The following CMYA5 variants were observed in gnomAD, a reference collection of about 807,000 sequenced individuals.
CMYA5 encodes the protein cardiomyopathy associated 5.
Under a neutral mutation model 318.9 loss-of-function variants are expected in CMYA5, and 246 were observed. The observed-to-expected ratio is 0.77, with a 90% CI of 0.70 to 0.86. The LOEUF is 0.86. CMYA5 is among the 40% of genes least tolerant of loss of function. The pLI is 0.00. For missense variants in CMYA5, 4,589 were observed against 4,678.2 expected (o/e 0.98, Z 0.56); for synonymous variants, 1,641 against 1,729.5 (o/e 0.95, Z 1.27).
chr5:79,738,844 A>G lies in CMYA5; in HGVS notation c.10079A>G (p.Asn3360Ser). ...GCAGATGAAGCAGGCAGTCACGGTA[A>G]TGAAGTCGGAAATGCAAGTCCAGAG... is the stretch of plus-strand genomic sequence containing the variant. The part of the protein sequence containing the change: ...ERADEAGSHG[N>S]EVGNASPEVN... Residue 3360 changes from asparagine to serine, a missense_variant, in exon 2 of 13, where the codon AAT becomes AGT. Transcript: ENST00000446378. The G allele has an allele frequency of 6.2e-7, 1 of 1,613,918 alleles. No individual in the cohort carries two copies. The highest frequency in any genetic ancestry group is 8.5e-7 in the Non-Finnish European group (1 of 1,179,862).
At position 79,737,627 on chromosome 5, in the gene CMYA5, G is replaced by A. The variant is rs1436772353; in HGVS notation, c.8862G>A (p.Leu2954=). 1 of 1,613,452 alleles carries A rather than the reference G, an allele frequency of 6.2e-7. No individual in the cohort carries two copies. Among genetic ancestry groups the A allele is most frequent in the African/African-American group, 1.3e-5 (1 of 74,904 alleles). Reference sequence around the variant, plus strand: ...TCATTTCTGAAGGCTGTGAGATATTGAATATTCATGCTCCGGCCTTTATTT... The same window carrying A: ...TCATTTCTGAAGGCTGTGAGATATTAAATATTCATGCTCCGGCCTTTATTT... ...FSIISEGCEI[L]NIHAPAFISS... Residue 2954 remains leucine (L), a synonymous_variant, in exon 2 of 13, where the codon TTG becomes TTA. Transcript: ENST00000446378.
chr5:79,759,405 C>G (rs890169238), intron 7 of CMYA5, among the ~76,000 whole-genome samples: 4 of 152,202 alleles, frequency 2.6e-5, no homozygotes, highest in African/African-American at 7.2e-5. Context: ...TAAAAGCCAC[C>G]AACAAGCCAC....
intron 1 of CMYA5, among the ~76,000 whole-genome samples, chr5:79,697,297 G>C (rs1430161410): frequency 3.3e-5 from 5 of 152,148 alleles, no homozygotes; most frequent in Non-Finnish European, 7.4e-5. Context: ...CATTCCCCTG[G>C]GAGTTTTCAG....
At position 79,752,709 on chromosome 5, in the gene CMYA5, A is replaced by G; in HGVS notation, c.11025A>G (p.Leu3675=). The change falls in exon 6 of 13, where the codon TTA becomes TTG. Residue 3675 remains leucine, a synonymous_variant. Coordinates refer to ENST00000446378, the MANE Select transcript of CMYA5 (RefSeq NM_153610.5). ...CTGCAATGGAGAGCACTGCTTCTTT[A>G]GAGAAAATGCCTGCTGCGTTTTCCC... The part of the protein sequence containing the change: ...LLSAMESTAS[L]EKMPAAFSLF... 1 of 1,613,668 alleles carries G rather than the reference A, an allele frequency of 6.2e-7. No homozygotes were observed.
intron 9 of CMYA5, among the ~76,000 whole-genome samples, chr5:79,764,581 A>G (rs565050331): frequency 2.6e-4 from 40 of 152,248 alleles, no homozygotes; most frequent in Admixed American, 7.2e-4. Context: ...GTCTTCCACA[A>G]TGGTTGAACT....
rs766828925 is a variant in CMYA5 at position 79,733,126 on chromosome 5, T to A, written c.4361T>A (p.Ile1454Lys). Residue 1454 changes from isoleucine (I) to lysine (K), a missense_variant, in exon 2 of 13, where the codon ATA becomes AAA. Ile to Lys is a moderately radical substitution (Grantham distance 102). This residue lies in a region of CMYA5 where 2,132 missense variants were observed against 2,131.3 expected (regional missense o/e 1.00). Transcript: ENST00000446378. Reference sequence around the variant, plus strand: ...GATTCACTTCCAAGTGTCTCCTCTATAGCAGAGCATTCTGTTTTGTCAGAA... The same window carrying A: ...GATTCACTTCCAAGTGTCTCCTCTAAAGCAGAGCATTCTGTTTTGTCAGAA... ...KFDSLPSVSSIAEHSVLSEVE... is the reference protein window; with the variant it reads ...KFDSLPSVSSKAEHSVLSEVE... 5.0e-6 allele frequency: 8 copies of A among 1,613,784 alleles called. No individual in the cohort carries two copies. The highest frequency in any genetic ancestry group is 6.8e-6 in the Non-Finnish European group (8 of 1,179,814).
In CMYA5 at chr5:79,742,882, G is replaced by A. The variant is rs1828245811; in HGVS notation, c.10639-945G>A. On this transcript the variant is annotated intron_variant, in intron 2 of 12. Transcript: ENST00000446378. ...CGGTGGGGTAGGAAGGGGAATGTTA[G>A]CAAAGGTGTCTCTAAAAGGTGATGC... is the stretch of plus-strand genomic sequence containing the variant. 2.0e-5 allele frequency among the ~76,000 whole-genome samples: 3 copies of A among 152,202 alleles called. No homozygotes were observed. In the South Asian group the frequency reaches 6.2e-4, roughly 31 times the overall value.
chr5:79,699,728 G>A (rs531150100), intron 1 of CMYA5, among the ~76,000 whole-genome samples: 1 of 152,168 alleles, frequency 6.6e-6, no homozygotes, highest in African/African-American at 2.4e-5. Context: ...CTGCAGGAAG[G>A]GGTGACATTC....
chr5:79,706,164 A>G (rs1827269442), intron 1 of CMYA5, among the ~76,000 whole-genome samples: 1 of 152,158 alleles, frequency 6.6e-6, no homozygotes, highest in South Asian at 2.1e-4. Context: ...TGCTGGATAT[A>G]CCAGCATTTA....
intron 1 of CMYA5, among the ~76,000 whole-genome samples, chr5:79,692,511 CCTT>C (rs1488097717): frequency 2.6e-5 from 4 of 152,152 alleles, no homozygotes; most frequent in Admixed American, 6.5e-5. Flanking sequence ...AGAGAACTAT[CCTT>C]CTGATATATC....
Position 79,789,112 on chromosome 5 carries a change from C to G in CMYA5, c.11689+8C>G, listed in dbSNP as rs1254883656. ...CTCTCATCTCCACCAGAGGTACTTTCTCCTTTGCACACAGTGAGCTATTTC... is the reference window on the plus strand; with the variant it reads ...CTCTCATCTCCACCAGAGGTACTTTGTCCTTTGCACACAGTGAGCTATTTC... On this transcript the variant is annotated splice_region_variant and intron_variant, in intron 10 of 12. Transcript: ENST00000446378. 1 of 1,613,568 alleles carries G rather than the reference C, an allele frequency of 6.2e-7. No homozygotes were observed.
chr5:79,755,727 C>A (rs1358115532), intron 6 of CMYA5, among the ~76,000 whole-genome samples: 1 of 149,882 alleles, frequency 6.7e-6, no homozygotes, highest in Non-Finnish European at 1.5e-5. Context: ...ATTCTTATTC[C>A]CTTTTCATTT....
At chr5:79,720,589 A>G (rs923365279) in intron 1 of CMYA5, among the ~76,000 whole-genome samples, 2 of 152,034 alleles carry the variant, frequency 1.3e-5, no homozygotes, top group Admixed American at 1.3e-4. Context: ...GGCATGCACC[A>G]CCATGCCCAG....
chr5:79,799,771 C>A lies in CMYA5; in HGVS notation c.*155C>A. The A allele has an allele frequency of 2.1e-6, 2 of 953,810 alleles. No individual in the cohort carries two copies. Among genetic ancestry groups the A allele is most frequent in the Non-Finnish European group, 3.0e-6 (2 of 667,614 alleles). 59.1% of individuals were successfully genotyped at this position (953,810 alleles called of 1,614,324 possible). ...GCAATCAGCATGTGAGCAAAATCGA[C>A]AAGAAAACCTTGACTTTACAGAGCA... On this transcript the variant is annotated 3_prime_UTR_variant, in exon 13 of 13. Transcript: ENST00000446378.
rs954471517 is a variant in CMYA5, at chr5:79,800,188, T to C, written c.*572T>C. 1 of 152,814 alleles carries C rather than the reference T, an allele frequency of 6.5e-6. No individual in the cohort carries two copies. Among genetic ancestry groups the C allele is most frequent in the Non-Finnish European group, 1.5e-5 (1 of 68,178 alleles). 9.5% of individuals were successfully genotyped at this position (152,814 alleles called of 1,614,324 possible). A position where few individuals can be genotyped will look rare whatever the true frequency, so the allele number is the denominator to read the frequency against. ...AGAAAAGTGCTATATATTAGAAATT[T>C]CCATTTTGTTAAATAAATGGTTAGA... On this transcript the variant is annotated 3_prime_UTR_variant, in exon 13 of 13. Coordinates refer to ENST00000446378, the MANE Select transcript of CMYA5 (RefSeq NM_153610.5).
intron 12 of CMYA5, among the ~76,000 whole-genome samples, chr5:79,795,865 C>T (rs1829265356): frequency 6.6e-6 from 1 of 152,178 alleles, no homozygotes; most frequent in Admixed American, 6.5e-5. Flanking sequence ...TGTTTAGAGC[C>T]AGGCTTCTGG....
In CMYA5 at chr5:79,736,057, A is replaced by G. The variant is rs1272407409; in HGVS notation, c.7292A>G (p.Lys2431Arg). The G allele has an allele frequency of 6.2e-7, 1 of 1,612,252 alleles. No homozygotes were observed. Among genetic ancestry groups the G allele is most frequent in the Admixed American group, 1.7e-5 (1 of 59,662 alleles). The change falls in exon 2 of 13, where the codon AAA (lysine) becomes AGA (arginine). Residue 2431 changes from lysine to arginine, a missense_variant. By Grantham distance (26) the Lys-to-Arg change is conservative. This residue lies in a region of CMYA5 where 2,431 missense variants were observed against 2,495.1 expected (regional missense o/e 0.97). Coordinates refer to ENST00000446378, the MANE Select transcript of CMYA5 (RefSeq NM_153610.5). The stretch of plus-strand genomic sequence containing the variant: ...GATTTCAGTGAAGACAGACTCAAGA[A>G]AGAAATGCAAAATCCTACTTCCTTG... ...LIDFSEDRLK[K>R]EMQNPTSLKI...
Position 79,736,735 on chromosome 5 carries a change from T to C in CMYA5, c.7970T>C (p.Leu2657Pro). The change falls in exon 2 of 13, where the codon CTA becomes CCA. Residue 2657 changes from leucine to proline, a missense_variant. This residue lies in a region of CMYA5 where 2,431 missense variants were observed against 2,495.1 expected (regional missense o/e 0.97). Transcript: ENST00000446378. Reference sequence around the variant, plus strand: ...CACTCTTTATCTCAGGAAGGAAATCTAGTATTAGAAAAGTCAAGCAGAGAT... The same window carrying C: ...CACTCTTTATCTCAGGAAGGAAATCCAGTATTAGAAAAGTCAAGCAGAGAT... ...ENHSLSQEGN[L>P]VLEKSSRDMP... 1 of 1,612,952 alleles carries C rather than the reference T, an allele frequency of 6.2e-7. No individual in the cohort carries two copies. Among genetic ancestry groups the C allele is most frequent in the Non-Finnish European group, 8.5e-7 (1 of 1,179,698 alleles).
Position 79,735,062 on chromosome 5 carries a change from G to C in CMYA5, c.6297G>C (p.Glu2099Asp). 1 of 1,613,822 alleles carries C rather than the reference G, an allele frequency of 6.2e-7. No individual in the cohort carries two copies. Residue 2099 changes from glutamate (E) to aspartate (D), a missense_variant, in exon 2 of 13, where the codon GAG becomes GAC. Coordinates refer to ENST00000446378, the MANE Select transcript of CMYA5 (RefSeq NM_153610.5). ...GGAGCACACCTCCTTTTCCTGAAGA[G>C]AAGCCATTGGAAGAATCAAAAATGG... ...AHRSTPPFPE[E>D]KPLEESKMVQ...
Sources: gnomAD v4.1 joint callset for allele counts (sites outside exome capture counted in the v4.1 genomes callset) on GRCh38, gnomAD v4.1.1 for gene constraint, gnomAD v4.1.1 regional missense constraint, MANE v1.5 for transcripts, NCBI Gene and HGNC (gene_info 2026-07-23, HGNC 2026-07-21) for gene names.